The following CDH13 variants were observed in gnomAD, a reference collection of about 807,000 sequenced individuals.
CDH13 encodes cadherin-13.
In CDH13, 24 loss-of-function variants were observed where a neutral mutation model predicts 63.8. The observed-to-expected ratio is 0.38, with a 90% CI of 0.27 to 0.53. The LOEUF is 0.53. Among genes scored for constraint, CDH13 ranks in the 20% least tolerant of loss-of-function variants. The pLI is 0.85. For missense variants in CDH13, 1,049 were observed against 903.1 expected (o/e 1.16, Z -2.07); for synonymous variants, 503 against 355.3 (o/e 1.42, Z -4.67).
chr16:83,277,010 C>G (rs2089010930), intron 5 of CDH13, among the ~76,000 whole-genome samples: 1 of 152,014 alleles, frequency 6.6e-6, no homozygotes, highest in African/African-American at 2.4e-5. Flanking sequence ...AAAGACCTGC[C>G]CCCATAATAC....
Position 83,661,502 on chromosome 16 carries a change from C to T in CDH13, c.1102-9288C>T, listed in dbSNP as rs1017585504. On this transcript the variant is annotated intron_variant, in intron 8 of 13. Coordinates refer to ENST00000567109, the MANE Select transcript of CDH13 (RefSeq NM_001257.5). ...TGTCTCAAAAAAAAAAAAAAAAAAT[C>T]TTGTTCTCAGGAACACAGTTTAAGA... is the stretch of plus-strand genomic sequence containing the variant. 4.1e-5 allele frequency among the ~76,000 whole-genome samples: 6 copies of T among 148,070 alleles called. No homozygotes were observed. In the South Asian group the frequency reaches 1.1e-3, roughly 27 times the overall value.
intron 5 of CDH13, among the ~76,000 whole-genome samples, chr16:83,271,346 C>T (rs1399048614): frequency 7.2e-6 from 1 of 138,950 alleles, no homozygotes; most frequent in Non-Finnish European, 1.5e-5. Flanking sequence ...TTCTCCTTAT[C>T]CTGGCTTAAG....
chr16:82,921,178 A>G (rs2042142669), intron 2 of CDH13, among the ~76,000 whole-genome samples: 1 of 152,170 alleles, frequency 6.6e-6, no homozygotes, highest in Non-Finnish European at 1.5e-5. Context: ...TTGGTGGCTT[A>G]AAACAAGAAA....
chr16:83,165,455 C>T lies in CDH13; in HGVS notation c.483+39954C>T, dbSNP rs566997069. ...CTTTTTATTATGCAAAACCTATTAA[C>T]ATCTACTGAAAGGCACTCAGCATTT... On this transcript the variant is annotated intron_variant, in intron 4 of 13. Coordinates refer to ENST00000567109, the MANE Select transcript of CDH13 (RefSeq NM_001257.5). 2.8e-4 allele frequency among the ~76,000 whole-genome samples: 42 copies of T among 152,240 alleles called. No homozygotes were observed. In the East Asian group the frequency reaches 5.4e-3, roughly 20 times the overall value.
intron 4 of CDH13, among the ~76,000 whole-genome samples, chr16:83,158,200 C>T (rs548004282): frequency 4.6e-5 from 7 of 152,210 alleles, no homozygotes; most frequent in South Asian, 4.2e-4. Flanking sequence ...GGCAATCCCT[C>T]GCCTTCACCT....
chr16:83,602,319 T>C (rs1354684093), intron 7 of CDH13, 135 bp from the exon 8 acceptor site: 1 of 854,416 alleles, frequency 1.2e-6, no homozygotes, highest in African/African-American at 1.7e-5. Flanking sequence ...TAGGTAAAAA[T>C]GTTATCACTC....
chr16:82,931,356 C>T (rs1337186869), intron 2 of CDH13, among the ~76,000 whole-genome samples: 2 of 152,104 alleles, frequency 1.3e-5, no homozygotes, highest in East Asian at 3.9e-4. Context: ...TTCTATTTTC[C>T]AATGCTAAAA....
chr16:83,650,681 C>T (rs1330573433), intron 8 of CDH13, among the ~76,000 whole-genome samples: 2 of 152,156 alleles, frequency 1.3e-5, no homozygotes, highest in Admixed American at 6.5e-5. Flanking sequence ...CACAGGGCAG[C>T]CCCCACCCAA....
At chr16:83,194,831 C>T (rs369342476) in intron 4 of CDH13, among the ~76,000 whole-genome samples, 102 of 152,220 alleles carry the variant, frequency 6.7e-4, no homozygotes, top group African/African-American at 2.3e-3. Flanking sequence ...GTGGCTATTA[C>T]GGTCATCATC....
chr16:82,943,815 C>G (rs918470363), intron 2 of CDH13, among the ~76,000 whole-genome samples: 1 of 152,190 alleles, frequency 6.6e-6, no homozygotes, highest in South Asian at 2.1e-4. Flanking sequence ...AGACAAAATG[C>G]TATTAATAAT....
intron 8 of CDH13, among the ~76,000 whole-genome samples, chr16:83,612,430 G>A (rs1178867649): frequency 6.6e-6 from 1 of 151,792 alleles, no homozygotes; most frequent in Non-Finnish European, 1.5e-5. Flanking sequence ...TTTAAGTGGT[G>A]TATGTATGGG....
At chr16:82,681,831 C>G (rs1351400051) in intron 1 of CDH13, among the ~76,000 whole-genome samples, 1 of 152,248 alleles carries the variant, frequency 6.6e-6, no homozygotes, top group African/African-American at 2.4e-5. Flanking sequence ...TGTGTAAACA[C>G]CAACTTCCCT....
At chr16:83,437,094 G>T (rs549291212) in intron 6 of CDH13, among the ~76,000 whole-genome samples, 4 of 152,068 alleles carry the variant, frequency 2.6e-5, no homozygotes, top group African/African-American at 9.6e-5. Context: ...TTTTTTCCCA[G>T]TAGTAGGCTG....
intron 13 of CDH13, among the ~76,000 whole-genome samples, chr16:83,794,570 T>C (rs1033897184): frequency 1.3e-5 from 2 of 152,156 alleles, no homozygotes; most frequent in African/African-American, 4.8e-5. Flanking sequence ...AAACATATCA[T>C]GTTTGAAGAA....
In CDH13 at chr16:83,610,906, A is replaced by T. The variant is rs540046267; in HGVS notation, c.1101+8312A>T. Among the ~76,000 whole-genome samples, 5 of 152,306 alleles carry T rather than the reference A, an allele frequency of 3.3e-5. No individual in the cohort carries two copies. The South Asian group carries it at 8.3e-4, about 25-fold the overall frequency. On this transcript the variant is annotated intron_variant, in intron 8 of 13. Coordinates refer to ENST00000567109, the MANE Select transcript of CDH13 (RefSeq NM_001257.5). The stretch of plus-strand genomic sequence containing the variant: ...GTAGTTAACTCCAGTTTACAGTGGA[A>T]CACTCACTGAGAATCTTGACTGCTA...
chr16:83,602,608 C>G lies in CDH13; in HGVS notation c.1101+14C>G, dbSNP rs1907957374. On this transcript the variant is annotated intron_variant, in intron 8 of 13. Coordinates refer to ENST00000567109, the MANE Select transcript of CDH13 (RefSeq NM_001257.5). ...ACCAAGAAAGAGGTAAACCCCTGTGCCAAACACCAACCACCACTGTGGTCA... is the reference window on the plus strand; with the variant it reads ...ACCAAGAAAGAGGTAAACCCCTGTGGCAAACACCAACCACCACTGTGGTCA... 3.1e-6 allele frequency: 5 copies of G among 1,613,406 alleles called. No homozygotes were observed. Among genetic ancestry groups the G allele is most frequent in the Non-Finnish European group, 4.2e-6 (5 of 1,179,518 alleles).
intron 2 of CDH13, among the ~76,000 whole-genome samples, chr16:83,006,862 T>G (rs1347552727): frequency 6.6e-6 from 1 of 152,178 alleles, no homozygotes; most frequent in Non-Finnish European, 1.5e-5. Context: ...CACTAAAATT[T>G]TGCACATTTC....
Position 82,911,148 on chromosome 16 carries a change from C to T in CDH13, c.157+52675C>T, listed in dbSNP as rs145508844. On this transcript the variant is annotated intron_variant, in intron 2 of 13. Transcript: ENST00000567109. Reference sequence around the variant, plus strand: ...GAACCAAACCAGAGCTTTGAGCGTTCTCTCACTGCATTCCATAGTTTCCCC... The same window carrying T: ...GAACCAAACCAGAGCTTTGAGCGTTTTCTCACTGCATTCCATAGTTTCCCC... Among the ~76,000 whole-genome samples, 128 of 152,314 alleles carry T rather than the reference C, an allele frequency of 8.4e-4. 1 individual carries two copies. Among genetic ancestry groups the T allele is most frequent in the Non-Finnish European group, 1.7e-3 (118 of 68,032 alleles).
chr16:83,401,760 G>A (rs780584372), intron 6 of CDH13, among the ~76,000 whole-genome samples: 2 of 152,196 alleles, frequency 1.3e-5, no homozygotes, highest in Admixed American at 6.5e-5. Flanking sequence ...CTGTTAAACA[G>A]TTCCCTCAAC....
Sources: allele counts gnomAD v4.1 joint callset (sites outside exome capture counted in the v4.1 genomes callset), GRCh38; gene constraint gnomAD v4.1.1; transcripts MANE v1.5; gene names NCBI Gene and HGNC (gene_info 2026-07-23, HGNC 2026-07-21).